RCOR3: variants seen among roughly 807,000 people sequenced by gnomAD.
The protein encoded by RCOR3 is REST corepressor 3.
RCOR3 carries 13 observed loss-of-function variants against 64.1 expected under a neutral mutation model. The ratio of observed to expected loss-of-function variants is 0.20; its 90% CI spans 0.13 to 0.32. The LOEUF (loss-of-function observed/expected upper bound fraction) is 0.32, where lower values mean the gene tolerates loss of function less well. Among genes scored for constraint, RCOR3 ranks in the 10% least tolerant of loss-of-function variants. The pLI is 1.00. For missense variants in RCOR3, 489 were observed against 701.2 expected, an observed-to-expected ratio of 0.70 and a Z score of 3.42; for synonymous variants, 215 against 239.0, an observed-to-expected ratio of 0.90 and a Z score of 0.93.
intron 9 of RCOR3, chr1:211,302,051 A>C (rs1312333229): frequency 1.3e-5 from 2 of 152,196 alleles, no homozygotes; most frequent in Non-Finnish European, 2.9e-5. Context: ...GATCCTCGAT[A>C]TCCAACTGGT....
chr1:211,264,650 C>CTATA (rs1222156133), intron 2 of RCOR3, among the ~76,000 whole-genome samples: 4 of 152,182 alleles, frequency 2.6e-5, no homozygotes, highest in South Asian at 2.1e-4. Flanking sequence ...CGCCACTGTA[C>CTATA]TATACCCTGG....
At chr1:211,282,111 A>G (rs1328702802) in intron 7 of RCOR3, among the ~76,000 whole-genome samples, 1 of 152,182 alleles carries the variant, frequency 6.6e-6, no homozygotes, top group Non-Finnish European at 1.5e-5. Flanking sequence ...GTTTTGCCCA[A>G]CTATGCAAGA....
chr1:211,299,939 A>G (rs1700203425), intron 9 of RCOR3, among the ~76,000 whole-genome samples: 2 of 152,024 alleles, frequency 1.3e-5, no homozygotes, highest in Non-Finnish European at 2.9e-5. Context: ...AACTTATGTG[A>G]GTCCTGTATA....
intron 5 of RCOR3, among the ~76,000 whole-genome samples, chr1:211,277,105 AC>A (rs994701906): frequency 1.3e-5 from 2 of 151,242 alleles, no homozygotes; most frequent in Non-Finnish European, 3.0e-5. Flanking sequence ...AACAAAAAAA[AC>A]AAAAAAACAA....
intron 6 of RCOR3, among the ~76,000 whole-genome samples, chr1:211,278,778 A>G (rs1055768462): frequency 6.6e-6 from 1 of 151,020 alleles, no homozygotes; most frequent in Admixed American, 6.5e-5. Context: ...AACACTACAG[A>G]AATCTGAATT....
intron 2 of RCOR3, 54 bp from the exon 3 acceptor site, chr1:211,271,178 T>C (rs1696135401): frequency 3.9e-6 from 6 of 1,522,140 alleles, no homozygotes; most frequent in South Asian, 2.3e-5. Flanking sequence ...TTTCTACTTA[T>C]TTTCAGTGTA....
intron 10 of RCOR3, among the ~76,000 whole-genome samples, chr1:211,305,908 T>C (rs567690707): frequency 9.9e-5 from 15 of 152,180 alleles, no homozygotes; most frequent in Non-Finnish European, 2.1e-4. Context: ...TACTGAGGTA[T>C]ATTCAGTATT....
chr1:211,274,224 G>A lies in RCOR3; in HGVS notation c.316G>A (p.Ala106Thr). 6.2e-7 allele frequency: 1 copy of A among 1,601,734 alleles called. No homozygotes were observed. Among genetic ancestry groups the A allele is most frequent in the Non-Finnish European group, 8.5e-7 (1 of 1,169,756 alleles). The change falls in exon 4 of 12, where the codon GCA becomes ACA. Residue 106 changes from alanine (A) to threonine (T), a missense_variant. Coordinates refer to ENST00000419091, the MANE Select transcript of RCOR3 (RefSeq NM_001136223.3). ...TTTCATTGCAGTGGATGAATACATT[G>A]CAATTGCAAAGGAAAAGCATGGCTA... ...IPDAKLDEYI[A>T]IAKEKHGYNV...
At chr1:211,266,014 T>C (rs935774179) in intron 2 of RCOR3, among the ~76,000 whole-genome samples, 1 of 152,174 alleles carries the variant, frequency 6.6e-6, no homozygotes, top group Non-Finnish European at 1.5e-5. Flanking sequence ...GGAAGTAGAA[T>C]GAATCTAACC....
intron 7 of RCOR3, among the ~76,000 whole-genome samples, chr1:211,286,777 G>A (rs1002937889): frequency 3.3e-5 from 5 of 152,012 alleles, no homozygotes; most frequent in Admixed American, 6.6e-5. Context: ...TTTTGTGCAC[G>A]GTTTGTTACA....
At chr1:211,264,171 C>G (rs943048096) in intron 2 of RCOR3, among the ~76,000 whole-genome samples, 1 of 152,202 alleles carries the variant, frequency 6.6e-6, no homozygotes, top group East Asian at 1.9e-4. Flanking sequence ...TAGCTCCTCT[C>G]TCTTCTCTTT....
At chr1:211,300,834 A>G (rs1700303030) in intron 9 of RCOR3, among the ~76,000 whole-genome samples, 1 of 152,048 alleles carries the variant, frequency 6.6e-6, no homozygotes, top group Admixed American at 6.6e-5. Flanking sequence ...AGAATCCACT[A>G]TTTCTTTAGT....
At chr1:211,264,603 G>T (rs1694885834) in intron 2 of RCOR3, among the ~76,000 whole-genome samples, 1 of 152,148 alleles carries the variant, frequency 6.6e-6, no homozygotes, top group Non-Finnish European at 1.5e-5. Context: ...GAGATCACTT[G>T]AGTCCAGGAA....
At chr1:211,291,709 C>T in intron 8 of RCOR3, 1 of 379,702 alleles carries the variant, frequency 2.6e-6, no homozygotes, top group East Asian at 8.8e-5. Context: ...TTTTCTGGTT[C>T]TCTAACATAG....
intron 8 of RCOR3, 38 bp downstream of exon 8, chr1:211,289,434 A>G (rs988213099): frequency 3.3e-6 from 5 of 1,510,632 alleles, no homozygotes; most frequent in South Asian, 2.4e-5. Context: ...GATTCTGTGC[A>G]TTTTGGCTAT....
At chr1:211,292,851 C>T (rs1006153228) in intron 8 of RCOR3, among the ~76,000 whole-genome samples, 8 of 151,940 alleles carry the variant, frequency 5.3e-5, no homozygotes, top group Admixed American at 1.3e-4. Context: ...TTTGGAAGGC[C>T]GAGGCAGGTG....
Position 211,313,840 on chromosome 1 carries a change from AAG to A in RCOR3, c.*75_*76del. ...ACCAGTGCTCATCTGACTGATGAAA[AAG>A]AGGAAAGAATAATCATTTCTAGATA... On this transcript the variant is annotated 3_prime_UTR_variant, in exon 12 of 12. Coordinates refer to ENST00000419091, the MANE Select transcript of RCOR3 (RefSeq NM_001136223.3). This position sits in a 1 kb window ranked among gnomAD's most constrained non-coding sequence, Gnocchi z 4.7. 7.7e-7 allele frequency: 1 copy of A among 1,306,726 alleles called. No individual in the cohort carries two copies. The highest frequency in any genetic ancestry group is 1.1e-6 in the Non-Finnish European group (1 of 935,520). The allele number at this position is 1,306,726 out of a possible 1,614,324, so 80.9% of individuals were successfully genotyped here. A position where few individuals can be genotyped will look rare whatever the true frequency, so the allele number is the denominator to read the frequency against.
chr1:211,259,908 C>A, intron 1 of RCOR3, 182 bp downstream of exon 1: 1 of 1,087,482 alleles, frequency 9.2e-7, no homozygotes, highest in South Asian at 1.8e-5. Context: ...CCGCCCTCGA[C>A]CAATCCTCCG....
intron 7 of RCOR3, 146 bp downstream of exon 7, chr1:211,279,462 T>A: frequency 1.8e-6 from 1 of 541,920 alleles, no homozygotes; most frequent in Non-Finnish European, 3.3e-6. Context: ...CAGTCATACC[T>A]AGAACCCCAG....
Sources: gnomAD v4.1 joint callset for allele counts (sites outside exome capture counted in the v4.1 genomes callset) on GRCh38, gnomAD v4.1.1 for gene constraint, Gnocchi (gnomAD v3.1) non-coding constraint, MANE v1.5 for transcripts, NCBI Gene and HGNC (gene_info 2026-07-23, HGNC 2026-07-21) for gene names.